RB1: variants seen among roughly 807,000 people sequenced by gnomAD.
RB1 encodes RB transcriptional corepressor 1.
A neutral mutation model predicts 135.4 loss-of-function variants in RB1; 18 were observed. That is an observed-to-expected ratio of 0.13 (90% CI 0.09 to 0.20). RB1 has a LOEUF of 0.20. RB1 is among the 10% of genes least tolerant of loss of function. The pLI is 1.00. For synonymous variants in RB1, 365 were observed against 373.2 expected (o/e 0.98, Z 0.25); for missense variants, 868 against 1,110.0 (o/e 0.78, Z 3.10).
chr13:48,479,794 G>A (rs1374529712), intron 26 of RB1, among the ~76,000 whole-genome samples: 2 of 152,048 alleles, frequency 1.3e-5, no homozygotes, highest in Non-Finnish European at 2.9e-5. Context: ...TTTGCATTGG[G>A]AACATTACAA....
rs368051929 is a variant in RB1 at position 48,420,187 on chromosome 13, C to G, written c.1696-32806C>G. ...ATAGCACATCAAAAAGCTTATCCACCACAAACAAGTCGGCTTCATCCCTGG... is the reference window on the plus strand; with the variant it reads ...ATAGCACATCAAAAAGCTTATCCACGACAAACAAGTCGGCTTCATCCCTGG... On this transcript the variant is annotated intron_variant, in intron 17 of 26. Transcript: ENST00000267163. 5.5e-4 allele frequency among the ~76,000 whole-genome samples: 84 copies of G among 152,272 alleles called. 1 individual carries two copies. In the South Asian group the frequency reaches 0.017, roughly 32 times the overall value.
rs139527814 is a variant in RB1 at position 48,447,234 on chromosome 13, C to T, written c.1696-5759C>T. Reference sequence around the variant, plus strand: ...ATGGTAAAGACTAGGGAGAAGCAGTCGTTTTTGGGGGGTGGTAGAGGATGA... The same window carrying T: ...ATGGTAAAGACTAGGGAGAAGCAGTTGTTTTTGGGGGGTGGTAGAGGATGA... On this transcript the variant is annotated intron_variant, in intron 17 of 26. Transcript: ENST00000267163. Among the ~76,000 whole-genome samples the T allele has an allele frequency of 1.9e-3, 290 of 152,152 alleles. 2 individuals are homozygous for T. The highest frequency in any genetic ancestry group is 0.01 in the Middle Eastern group (3 of 294).
At chr13:48,318,587 C>T (rs1593421174) in intron 2 of RB1, 2 of 633,914 alleles carry the variant, frequency 3.2e-6, no homozygotes, top group African/African-American at 1.8e-5. Context: ...GGTCCCGCCC[C>T]TCATGGCCGG....
chr13:48,408,780 G>C (rs1948762724), intron 17 of RB1: 1 of 152,020 alleles, frequency 6.6e-6, no homozygotes, highest in Non-Finnish European at 1.5e-5. Flanking sequence ...GTTGACAAGA[G>C]ACACCAAAAA....
intron 17 of RB1, among the ~76,000 whole-genome samples, chr13:48,433,595 C>A (rs1949152494): frequency 6.6e-6 from 1 of 151,812 alleles, no homozygotes; most frequent in Non-Finnish European, 1.5e-5. Flanking sequence ...TTTTTTATAA[C>A]TTACACCAAA....
chr13:48,438,797 T>G (rs1192873582), intron 17 of RB1, among the ~76,000 whole-genome samples: 1 of 152,222 alleles, frequency 6.6e-6, no homozygotes, highest in Non-Finnish European at 1.5e-5. Flanking sequence ...TGGCATTCAA[T>G]AAATGTTATC....
At chr13:48,455,103 T>C (rs1029690896) in intron 18 of RB1, among the ~76,000 whole-genome samples, 2 of 152,118 alleles carry the variant, frequency 1.3e-5, no homozygotes, top group African/African-American at 4.8e-5. Flanking sequence ...GAAATAGAAA[T>C]GGAGAGATCT....
chr13:48,348,841 T>C, intron 5 of RB1, 115 bp from the exon 6 acceptor site: 10 of 1,281,382 alleles, frequency 7.8e-6, no homozygotes, highest in Non-Finnish European at 9.5e-6. Flanking sequence ...TGCATTTAAC[T>C]AAGGTCATTT....
intron 17 of RB1, among the ~76,000 whole-genome samples, chr13:48,406,172 A>G (rs1220571584): frequency 6.6e-6 from 1 of 151,978 alleles, no homozygotes; most frequent in Non-Finnish European, 1.5e-5. Context: ...ATCAATACCT[A>G]GAAGTAAGAA....
chr13:48,434,884 A>G (rs1268570622), intron 17 of RB1, among the ~76,000 whole-genome samples: 1 of 152,194 alleles, frequency 6.6e-6, no homozygotes, highest in Non-Finnish European at 1.5e-5. Flanking sequence ...ACGATATTGC[A>G]TGTATCAATA....
intron 11 of RB1, among the ~76,000 whole-genome samples, chr13:48,369,252 C>T (rs1952734284): frequency 6.6e-6 from 1 of 152,142 alleles, no homozygotes; most frequent in Admixed American, 6.5e-5. Context: ...AATCTGTTAT[C>T]AAGGCTTGTT....
intron 6 of RB1, among the ~76,000 whole-genome samples, chr13:48,351,945 A>T (rs568480290): frequency 5.3e-5 from 8 of 152,036 alleles, no homozygotes; most frequent in Non-Finnish European, 8.8e-5. Context: ...AAGTGCTGGG[A>T]TTACAGGAAT....
At chr13:48,316,640 A>G (rs1952185338) in intron 2 of RB1, among the ~76,000 whole-genome samples, 1 of 151,362 alleles carries the variant, frequency 6.6e-6, no homozygotes, top group Admixed American at 6.6e-5. Flanking sequence ...AAATAAAAGC[A>G]TTGTTTCATG....
At chr13:48,424,257 A>G (rs894239035) in intron 17 of RB1, 5 of 152,224 alleles carry the variant, frequency 3.3e-5, no homozygotes, top group Admixed American at 3.3e-4. Flanking sequence ...CTAGACTAGT[A>G]TTACCATAAG....
chr13:48,365,523 C>T (rs1952685843), intron 9 of RB1, among the ~76,000 whole-genome samples: 1 of 152,012 alleles, frequency 6.6e-6, no homozygotes, highest in Admixed American at 6.6e-5. Flanking sequence ...AATGTCTTTC[C>T]AATGAGAACA....
intron 20 of RB1, among the ~76,000 whole-genome samples, chr13:48,461,982 G>A (rs896640679): frequency 2.0e-5 from 3 of 151,796 alleles, no homozygotes; most frequent in Admixed American, 6.6e-5. Context: ...ACAGGTGTGT[G>A]CCACCACACC....
At chr13:48,458,089 A>C (rs1036984839) in intron 19 of RB1, among the ~76,000 whole-genome samples, 1 of 152,222 alleles carries the variant, frequency 6.6e-6, no homozygotes, top group Non-Finnish European at 1.5e-5. Flanking sequence ...CTCCTGTCCC[A>C]ACTCGGAAGG....
chr13:48,426,387 A>G (rs1233376429), intron 17 of RB1, among the ~76,000 whole-genome samples: 2 of 152,212 alleles, frequency 1.3e-5, no homozygotes, highest in Non-Finnish European at 2.9e-5. Flanking sequence ...TGCATTTGGT[A>G]TGCCTTTTTT....
At chr13:48,473,248 G>T in intron 23 of RB1, 112 bp from the exon 24 acceptor site, 1 of 835,404 alleles carries the variant, frequency 1.2e-6, no homozygotes, top group Non-Finnish European at 2.0e-6. Context: ...TAGGGTAGAG[G>T]TAACCTTTAA....
Sources: allele counts gnomAD v4.1 joint callset (sites outside exome capture counted in the v4.1 genomes callset), GRCh38; gene constraint gnomAD v4.1.1; transcripts MANE v1.5; gene names NCBI Gene and HGNC (gene_info 2026-07-23, HGNC 2026-07-21).